CYB5B: variants seen among roughly 807,000 people sequenced by gnomAD.
CYB5B encodes cytochrome b5 type B.
A neutral mutation model predicts 21.3 loss-of-function variants in CYB5B; 14 were observed. That is an observed-to-expected ratio of 0.66 (90% CI 0.43 to 1.03). CYB5B has a LOEUF of 1.03. Ranked by LOEUF, CYB5B falls within the 50% of genes least tolerant of loss-of-function variation. CYB5B has a pLI of 0.00. For synonymous variants in CYB5B, 69 were observed against 68.4 expected (o/e 1.01, Z -0.04); for missense variants, 166 against 185.1 (o/e 0.90, Z 0.60).
chr16:69,426,364 A>G (rs934823289), intron 1 of CYB5B, among the ~76,000 whole-genome samples: 3 of 149,312 alleles, frequency 2.0e-5, no homozygotes, highest in East Asian at 3.9e-4. Flanking sequence ...GCGCCACTGC[A>G]GTCCAGCCTG....
chr16:69,446,235 C>T (rs932669148), intron 1 of CYB5B, among the ~76,000 whole-genome samples: 2 of 152,160 alleles, frequency 1.3e-5, no homozygotes, highest in African/African-American at 4.8e-5. Flanking sequence ...CTAAAGACAT[C>T]TCAATTTTTT....
At position 69,445,134 on chromosome 16, in the gene CYB5B, A is replaced by T. The variant is rs569123951; in HGVS notation, c.175-2016A>T. 2.6e-5 allele frequency among the ~76,000 whole-genome samples: 4 copies of T among 152,334 alleles called. No individual in the cohort carries two copies. In the South Asian group the frequency reaches 8.3e-4, roughly 32 times the overall value. On this transcript the variant is annotated intron_variant, in intron 1 of 4. Coordinates refer to ENST00000307892, the MANE Select transcript of CYB5B (RefSeq NM_030579.3). ...TAGTTGGGTTGTGTCAAAAGGAAAAAATATCATCCATAGTTTAGGTGTATA... is the reference window on the plus strand; with the variant it reads ...TAGTTGGGTTGTGTCAAAAGGAAAATATATCATCCATAGTTTAGGTGTATA...
chr16:69,457,867 T>C (rs2014997369), intron 3 of CYB5B, among the ~76,000 whole-genome samples: 1 of 152,236 alleles, frequency 6.6e-6, no homozygotes, highest in South Asian at 2.1e-4. Flanking sequence ...TTTCATGGAC[T>C]GCTCTAAAGT....
chr16:69,431,783 C>T (rs774798362), intron 1 of CYB5B, among the ~76,000 whole-genome samples: 3 of 152,020 alleles, frequency 2.0e-5, no homozygotes, highest in East Asian at 1.9e-4. Flanking sequence ...ACAAACAAAA[C>T]GAAAATATCC....
chr16:69,456,775 A>T (rs1022896362), intron 3 of CYB5B, among the ~76,000 whole-genome samples: 1 of 152,178 alleles, frequency 6.6e-6, no homozygotes, highest in Non-Finnish European at 1.5e-5. Context: ...ACTGGGGGGA[A>T]CTGTGCCTAG....
intron 1 of CYB5B, among the ~76,000 whole-genome samples, chr16:69,430,648 GAAATA>G (rs2014696219): frequency 6.6e-6 from 1 of 150,966 alleles, no homozygotes; most frequent in East Asian, 1.9e-4. Flanking sequence ...AGAGTAACTT[GAAATA>G]ACATTGTGAT....
At chr16:69,460,445 T>A (rs2015023890) in intron 4 of CYB5B, among the ~76,000 whole-genome samples, 1 of 152,210 alleles carries the variant, frequency 6.6e-6, no homozygotes, top group Admixed American at 6.5e-5. Context: ...ATCTCATTCA[T>A]CATTAGTGAT....
chr16:69,427,058 G>T (rs992520046), intron 1 of CYB5B, among the ~76,000 whole-genome samples: 2 of 152,076 alleles, frequency 1.3e-5, no homozygotes, highest in Non-Finnish European at 2.9e-5. Context: ...TGGCCAACAC[G>T]GCGAAACCTC....
chr16:69,445,825 G>A (rs866947206), intron 1 of CYB5B, among the ~76,000 whole-genome samples: 6 of 152,228 alleles, frequency 3.9e-5, no homozygotes, highest in South Asian at 2.1e-4. Flanking sequence ...GCATGGTGGC[G>A]CATGCCTGTA....
At chr16:69,456,807 A>G (rs2014987922) in intron 3 of CYB5B, among the ~76,000 whole-genome samples, 1 of 152,162 alleles carries the variant, frequency 6.6e-6, no homozygotes, top group East Asian at 1.9e-4. Flanking sequence ...AGGTGAAGGG[A>G]GGTTATGTGT....
chr16:69,439,712 G>A (rs2014800056), intron 1 of CYB5B, among the ~76,000 whole-genome samples: 1 of 151,784 alleles, frequency 6.6e-6, no homozygotes, highest in South Asian at 2.1e-4. Flanking sequence ...AATTATAGGA[G>A]CGGGCCACCA....
chr16:69,463,181 T>C lies in CYB5B; in HGVS notation c.*661T>C, dbSNP rs1180642110. 1.3e-5 allele frequency: 2 copies of C among 152,244 alleles called. No homozygotes were observed. The highest frequency in any genetic ancestry group is 2.1e-4 in the South Asian group (1 of 4,832). The allele number at this position is 152,244 out of a possible 1,614,324, so 9.4% of individuals were successfully genotyped here. A position where few individuals can be genotyped will look rare whatever the true frequency, so the allele number is the denominator to read the frequency against. On this transcript the variant is annotated 3_prime_UTR_variant, in exon 5 of 5. Coordinates refer to ENST00000307892, the MANE Select transcript of CYB5B (RefSeq NM_030579.3). Reference sequence around the variant, plus strand: ...AAACTTAAAACTGCCAAATGATTTTTGTTCTTTTATGTGCGTGATAAAAAT... The same window carrying C: ...AAACTTAAAACTGCCAAATGATTTTCGTTCTTTTATGTGCGTGATAAAAAT...
intron 1 of CYB5B, among the ~76,000 whole-genome samples, chr16:69,435,890 C>T (rs1034166599): frequency 1.1e-4 from 17 of 152,170 alleles, no homozygotes; most frequent in African/African-American, 3.9e-4. Context: ...CCTCCTGGCT[C>T]AGCCTCCCAA....
chr16:69,427,813 G>A (rs937441798), intron 1 of CYB5B, among the ~76,000 whole-genome samples: 1 of 152,022 alleles, frequency 6.6e-6, no homozygotes, highest in African/African-American at 2.4e-5. Context: ...GACCAAAATG[G>A]TGAAACCTCG....
At chr16:69,436,241 G>A (rs1228562987) in intron 1 of CYB5B, among the ~76,000 whole-genome samples, 5 of 152,194 alleles carry the variant, frequency 3.3e-5, no homozygotes, top group African/African-American at 7.2e-5. Context: ...CTCTGTTCCC[G>A]ATGGAGTTTA....
chr16:69,452,464 C>G (rs951316958), intron 3 of CYB5B, among the ~76,000 whole-genome samples: 1 of 151,658 alleles, frequency 6.6e-6, no homozygotes, highest in Non-Finnish European at 1.5e-5. Context: ...ACGGATCACA[C>G]GAGGCCAGGA....
intron 1 of CYB5B, among the ~76,000 whole-genome samples, chr16:69,435,400 T>C (rs538315945): frequency 2.6e-5 from 4 of 152,306 alleles, no homozygotes; most frequent in South Asian, 2.1e-4. Flanking sequence ...CTTTGAAGGA[T>C]TGAAAGGTAA....
Position 69,429,791 on chromosome 16 carries a change from A to G in CYB5B, c.174+4934A>G, listed in dbSNP as rs74707993. 2.4e-3 allele frequency among the ~76,000 whole-genome samples: 363 copies of G among 152,284 alleles called. 6 individuals carry two copies. The East Asian group carries it at 0.028, about 12-fold the overall frequency. On this transcript the variant is annotated intron_variant, in intron 1 of 4. Transcript: ENST00000307892. ...TCTTCAAGAGTTGGGTTGCTATTAG[A>G]TGAGAGAGGGAAGATTTACATTGGT...
At chr16:69,457,890 A>G (rs1274045405) in intron 3 of CYB5B, among the ~76,000 whole-genome samples, 2 of 152,144 alleles carry the variant, frequency 1.3e-5, no homozygotes, top group South Asian at 2.1e-4. Flanking sequence ...ATTGGGGCCA[A>G]TGTGATTGGT....
Sources: allele counts gnomAD v4.1 joint callset (sites outside exome capture counted in the v4.1 genomes callset), GRCh38; gene constraint gnomAD v4.1.1; transcripts MANE v1.5; gene names NCBI Gene and HGNC (gene_info 2026-07-23, HGNC 2026-07-21).